Variants in PTPRN2 observed in about 807,000 individuals in gnomAD.
The protein encoded by PTPRN2 is receptor-type tyrosine-protein phosphatase N2.
A neutral mutation model predicts 118.8 loss-of-function variants in PTPRN2; 74 were observed. The observed-to-expected ratio is 0.62, with a 90% CI of 0.52 to 0.76. PTPRN2 has a LOEUF of 0.76. Ranked by LOEUF, PTPRN2 falls within the 30% of genes least tolerant of loss-of-function variation. The pLI is 0.00. For synonymous variants in PTPRN2, 641 were observed against 608.0 expected, an observed-to-expected ratio of 1.05 and a Z score of -0.80; for missense variants, 1,481 against 1,394.4, an observed-to-expected ratio of 1.06 and a Z score of -0.99.
chr7:158,168,423 A>G (rs1431145655), intron 5 of PTPRN2, among the ~76,000 whole-genome samples: 1 of 152,078 alleles, frequency 6.6e-6, no homozygotes, highest in South Asian at 2.1e-4. Flanking sequence ...CCACTCCTAC[A>G]TCTTCTCTGA....
chr7:158,255,804 A>G (rs1346265205), intron 3 of PTPRN2, among the ~76,000 whole-genome samples: 2 of 140,678 alleles, frequency 1.4e-5, no homozygotes, highest in East Asian at 2.4e-4. Context: ...GATGAGGCCA[A>G]TGGGCCCTCC....
chr7:158,582,796 CAAA>C (rs1156687117), intron 1 of PTPRN2, among the ~76,000 whole-genome samples: 622 of 44,186 alleles, frequency 0.014, 1 homozygote, highest in African/African-American at 0.045. Context: ...GACTCCATCT[CAAA>C]AAAAAAAAAA....
At chr7:157,862,642 A>C (rs1417207125) in intron 12 of PTPRN2, 1 of 152,258 alleles carries the variant, frequency 6.6e-6, no homozygotes. Context: ...CTGGTCAAGA[A>C]TCATGTTCTA....
intron 11 of PTPRN2, 83 bp downstream of exon 11, chr7:158,081,215 T>C: frequency 7.5e-7 from 1 of 1,337,190 alleles, no homozygotes; most frequent in Non-Finnish European, 1.1e-6. Context: ...CTCTCTGCCC[T>C]GGCTGTGCAT....
At position 158,158,575 on chromosome 7, in the gene PTPRN2, C is replaced by T. The variant is rs76462767; in HGVS notation, c.910+8356G>A. 1.4e-3 allele frequency among the ~76,000 whole-genome samples: 209 copies of T among 146,472 alleles called. 1 individual carries two copies. In the East Asian group the frequency reaches 0.023, roughly 16 times the overall value. The stretch of plus-strand genomic sequence containing the variant: ...AGAATCAGGAGCCCGTGTGATTGGC[C>T]GGGACTTCGCAAGTGCTTTCTGAAT... On this transcript the variant is annotated intron_variant, in intron 6 of 22. Coordinates refer to ENST00000389418, the MANE Select transcript of PTPRN2 (RefSeq NM_002847.5).
chr7:158,372,741 C>T (rs914468378), intron 2 of PTPRN2, among the ~76,000 whole-genome samples: 2 of 152,236 alleles, frequency 1.3e-5, no homozygotes, highest in African/African-American at 4.8e-5. Context: ...TCATGGGCAT[C>T]TCCCTTTTGG....
intron 12 of PTPRN2, among the ~76,000 whole-genome samples, chr7:157,775,782 C>T (rs1803172587): frequency 6.6e-6 from 1 of 152,120 alleles, no homozygotes; most frequent in Non-Finnish European, 1.5e-5. Flanking sequence ...CCCCGCAGGC[C>T]TGCAGGCTGG....
At chr7:158,117,711 A>T (rs1816837677) in intron 9 of PTPRN2, among the ~76,000 whole-genome samples, 1 of 152,208 alleles carries the variant, frequency 6.6e-6, no homozygotes, top group African/African-American at 2.4e-5. Flanking sequence ...GGCTTTCCAA[A>T]TAATATTATC....
At chr7:157,644,730 G>T (rs571176887) in intron 14 of PTPRN2, among the ~76,000 whole-genome samples, 14 of 151,314 alleles carry the variant, frequency 9.3e-5, no homozygotes, top group Admixed American at 2.6e-4. Flanking sequence ...GAGAGGCAGA[G>T]GTTGCAGTGA....
intron 12 of PTPRN2, among the ~76,000 whole-genome samples, chr7:157,826,501 A>G (rs1256788985): frequency 2.5e-5 from 2 of 81,084 alleles, no homozygotes; most frequent in Non-Finnish European, 4.6e-5. Flanking sequence ...CTGTGCAAAG[A>G]CGGCAGCACG....
At position 158,455,861 on chromosome 7, in the gene PTPRN2, A is replaced by G. The variant is rs1354163754; in HGVS notation, c.163+33874T>C. Among the ~76,000 whole-genome samples, 168 of 125,458 alleles carry G rather than the reference A, an allele frequency of 1.3e-3. 1 individual carries two copies. Among genetic ancestry groups the G allele is most frequent in the Middle Eastern group, 0.012 (2 of 168 alleles). 82.3% of individuals were successfully genotyped at this position (125,458 alleles called of 152,430 possible). A position where few individuals can be genotyped will look rare whatever the true frequency, so the allele number is the denominator to read the frequency against. On this transcript the variant is annotated intron_variant, in intron 2 of 22. Coordinates refer to ENST00000389418, the MANE Select transcript of PTPRN2 (RefSeq NM_002847.5). ...CCCATTGCTCTGCAGAGAACATAAC[A>G]GCACGGATGCCATCGGCCATGGCCA...
At chr7:157,667,951 C>T (rs561674104) in intron 13 of PTPRN2, among the ~76,000 whole-genome samples, 9 of 152,362 alleles carry the variant, frequency 5.9e-5, no homozygotes, top group East Asian at 5.8e-4. Flanking sequence ...GGCAGAGTCA[C>T]GTGGGACCAT....
chr7:157,842,234 C>T (rs1245101762), intron 12 of PTPRN2, among the ~76,000 whole-genome samples: 1 of 152,084 alleles, frequency 6.6e-6, no homozygotes, highest in Non-Finnish European at 1.5e-5. Flanking sequence ...GCCTCCCCCA[C>T]ACATTCCTGC....
At chr7:158,186,140 G>T (rs1433546339) in intron 5 of PTPRN2, among the ~76,000 whole-genome samples, 2 of 152,188 alleles carry the variant, frequency 1.3e-5, no homozygotes, top group Non-Finnish European at 2.9e-5. Flanking sequence ...CACCTCAAGA[G>T]TTTCTTAAAA....
intron 3 of PTPRN2, among the ~76,000 whole-genome samples, chr7:158,286,145 C>T (rs181849512): frequency 1.9e-4 from 29 of 152,288 alleles, no homozygotes; most frequent in Admixed American, 1.8e-3. Context: ...TATCTGATTT[C>T]TTTTTCAGAC....
intron 3 of PTPRN2, among the ~76,000 whole-genome samples, chr7:158,260,230 G>A (rs1797308475): frequency 6.6e-6 from 1 of 152,214 alleles, no homozygotes; most frequent in South Asian, 2.1e-4. Context: ...AAGCCAATTA[G>A]CAATGCTGAG....
chr7:157,556,848 GCA>G (rs1211145025), intron 21 of PTPRN2, among the ~76,000 whole-genome samples: 5 of 144,852 alleles, frequency 3.5e-5, no homozygotes, highest in Admixed American at 1.4e-4. Context: ...ACACAGCCAT[GCA>G]CACACTCACA....
chr7:158,377,577 G>A (rs1301794887), intron 2 of PTPRN2, among the ~76,000 whole-genome samples: 2 of 152,274 alleles, frequency 1.3e-5, no homozygotes, highest in Admixed American at 6.5e-5. Flanking sequence ...GGCTCGGCTT[G>A]GGGGTGGAAA....
chr7:157,847,154 G>T (rs1381011820), intron 12 of PTPRN2, among the ~76,000 whole-genome samples: 1 of 136,968 alleles, frequency 7.3e-6, no homozygotes, highest in Non-Finnish European at 1.6e-5. Flanking sequence ...CATCATGCGT[G>T]CCCGATGTCG....
Sources: gnomAD v4.1 joint callset for allele counts (sites outside exome capture counted in the v4.1 genomes callset) on GRCh38, gnomAD v4.1.1 for gene constraint, MANE v1.5 for transcripts, NCBI Gene and HGNC (gene_info 2026-07-23, HGNC 2026-07-21) for gene names.